RBFOX1: variants seen among roughly 807,000 people sequenced by gnomAD.
The protein encoded by RBFOX1 is RNA binding protein fox-1 homolog 1.
A neutral mutation model predicts 57.7 loss-of-function variants in RBFOX1; 8 were observed. The observed-to-expected ratio is 0.14, with a 90% CI of 0.08 to 0.25. The LOEUF (loss-of-function observed/expected upper bound fraction) is 0.25, where lower values mean the gene tolerates loss of function less well. RBFOX1 is among the 10% of genes least tolerant of loss of function. The pLI, the probability that RBFOX1 is intolerant of heterozygous loss-of-function variation, is 1.00. For synonymous variants in RBFOX1, 326 were observed against 222.4 expected (o/e 1.47, Z -4.15); for missense variants, 611 against 548.5 (o/e 1.11, Z -1.14).
At chr16:6,928,428 G>C (rs1010641630) in intron 3 of RBFOX1, among the ~76,000 whole-genome samples, 2 of 152,140 alleles carry the variant, frequency 1.3e-5, no homozygotes, top group African/African-American at 2.4e-5. Context: ...ATGAAGGGGT[G>C]AGCTGGCAGC....
At chr16:5,345,090 A>G (rs7194294) in intron 1 of RBFOX1, among the ~76,000 whole-genome samples, 20,870 of 152,110 alleles carry the variant, frequency 0.14, 3,730 homozygotes, top group African/African-American at 0.42. Context: ...CATGGAGCCC[A>G]TCGTGAAGAC....
chr16:6,053,715 C>T (rs2095580699), intron 1 of RBFOX1, among the ~76,000 whole-genome samples: 1 of 152,124 alleles, frequency 6.6e-6, no homozygotes, highest in Non-Finnish European at 1.5e-5. Flanking sequence ...TCTTAAATGG[C>T]ATTTCCAGTG....
At chr16:6,824,268 G>A (rs369023971) in intron 3 of RBFOX1, among the ~76,000 whole-genome samples, 1 of 152,168 alleles carries the variant, frequency 6.6e-6, no homozygotes, top group Admixed American at 6.5e-5. Flanking sequence ...AGCCAGATGT[G>A]GTGGTTGGTA....
At chr16:7,021,869 CCTT>C (rs1483497572) in intron 3 of RBFOX1, among the ~76,000 whole-genome samples, 2 of 150,808 alleles carry the variant, frequency 1.3e-5, no homozygotes, top group African/African-American at 2.4e-5. Flanking sequence ...ATTGCCAGAA[CCTT>C]CTTTCTCTCT....
chr16:6,654,108 GTGGA>G (rs58712785), intron 2 of RBFOX1, among the ~76,000 whole-genome samples: 59,414 of 150,890 alleles, frequency 0.39, 12,777 homozygotes, highest in South Asian at 0.52. Flanking sequence ...GGCTGTTTGG[GTGGA>G]TGGATGGATG....
At chr16:7,629,388 A>G (rs1196960889) in intron 10 of RBFOX1, among the ~76,000 whole-genome samples, 1 of 152,184 alleles carries the variant, frequency 6.6e-6, no homozygotes, top group Non-Finnish European at 1.5e-5. Flanking sequence ...CTCCAAGGAT[A>G]TAGAAAAGTT....
chr16:6,863,552 A>C (rs565444339), intron 3 of RBFOX1, among the ~76,000 whole-genome samples: 2 of 151,890 alleles, frequency 1.3e-5, no homozygotes, highest in South Asian at 4.2e-4. Flanking sequence ...GGTTACATAG[A>C]TAAATGTAAA....
chr16:5,240,620 G>A (rs1380998894), intron 1 of RBFOX1, among the ~76,000 whole-genome samples: 2 of 152,214 alleles, frequency 1.3e-5, no homozygotes. Context: ...TTCTGGTTGG[G>A]CAGCGAGAGT....
At chr16:7,003,822 G>C (rs748844239) in intron 3 of RBFOX1, among the ~76,000 whole-genome samples, 2 of 152,052 alleles carry the variant, frequency 1.3e-5, no homozygotes, top group Non-Finnish European at 2.9e-5. Flanking sequence ...TCCTTGTCCA[G>C]GTTCTACTTA....
chr16:7,322,270 G>T (rs906263969), intron 4 of RBFOX1, among the ~76,000 whole-genome samples: 1 of 152,182 alleles, frequency 6.6e-6, no homozygotes, highest in Non-Finnish European at 1.5e-5. Flanking sequence ...TTACAATATG[G>T]GGTGCCTTAG....
intron 4 of RBFOX1, among the ~76,000 whole-genome samples, chr16:7,305,575 G>A (rs565208711): frequency 1.3e-5 from 2 of 152,286 alleles, no homozygotes; most frequent in Admixed American, 6.5e-5. Context: ...TGTGTGAACA[G>A]AACTTCCTAT....
Position 5,270,921 on chromosome 16 carries a change from T to G in RBFOX1, c.219+30816T>G, listed in dbSNP as rs116295602. 2,134 of 415,814 alleles carry G rather than the reference T, an allele frequency of 5.1e-3. 30 individuals are homozygous for G. The highest frequency in any genetic ancestry group is 0.027 in the African/African-American group (1,277 of 46,896). 25.8% of individuals were successfully genotyped at this position (415,814 alleles called of 1,614,324 possible). ...CACATGCTAAAGTTGAATGAGCTGATGGGTATGAACCACTAGTCCAAGAAT... is the reference window on the plus strand; with the variant it reads ...CACATGCTAAAGTTGAATGAGCTGAGGGGTATGAACCACTAGTCCAAGAAT... On this transcript the variant is annotated intron_variant, in intron 1 of 2. Coordinates refer to the RBFOX1 transcript ENST00000585867.
intron 3 of RBFOX1, among the ~76,000 whole-genome samples, chr16:5,634,876 T>C (rs2048631297): frequency 6.6e-6 from 1 of 152,210 alleles, no homozygotes. Context: ...AGAGAATCTT[T>C]TTACTCACAA....
chr16:6,466,876 C>A (rs898440915), intron 2 of RBFOX1, among the ~76,000 whole-genome samples: 1 of 151,910 alleles, frequency 6.6e-6, no homozygotes, highest in Admixed American at 6.6e-5. Context: ...CCTAAGAGTC[C>A]TTATGTGAGA....
chr16:6,845,255 C>T (rs1188194932), intron 3 of RBFOX1, among the ~76,000 whole-genome samples: 2 of 151,958 alleles, frequency 1.3e-5, no homozygotes, highest in Non-Finnish European at 2.9e-5. Flanking sequence ...CTTGCCCGTA[C>T]CTGTGTCCTG....
At chr16:6,928,615 T>C (rs914795298) in intron 3 of RBFOX1, among the ~76,000 whole-genome samples, 1 of 152,148 alleles carries the variant, frequency 6.6e-6, no homozygotes, top group South Asian at 2.1e-4. Flanking sequence ...ACCCTGTAGC[T>C]CCCAAGGTCT....
chr16:5,428,899 A>C (rs1198548072), intron 1 of RBFOX1, among the ~76,000 whole-genome samples: 1 of 152,098 alleles, frequency 6.6e-6, no homozygotes, highest in East Asian at 1.9e-4. Flanking sequence ...TTTTGTTCAA[A>C]TATTTACTCA....
At chr16:5,488,398 C>T (rs369082664) in intron 2 of RBFOX1, among the ~76,000 whole-genome samples, 2 of 136,442 alleles carry the variant, frequency 1.5e-5, no homozygotes, top group African/African-American at 2.9e-5. Context: ...GCTGGTGTGG[C>T]GGGGTGTGAT....
chr16:6,107,154 TG>T (rs1416922926), intron 1 of RBFOX1, among the ~76,000 whole-genome samples: 1 of 152,174 alleles, frequency 6.6e-6, no homozygotes, highest in Non-Finnish European at 1.5e-5. Context: ...TTTGTTTTTT[TG>T]TTTTTTTAGT....
Sources: gnomAD v4.1 joint callset for allele counts (sites outside exome capture counted in the v4.1 genomes callset) on GRCh38, gnomAD v4.1.1 for gene constraint, MANE v1.5 for transcripts, NCBI Gene and HGNC (gene_info 2026-07-23, HGNC 2026-07-21) for gene names.